The following STAP1 variants were observed in gnomAD, a reference collection of about 807,000 sequenced individuals.
The protein encoded by STAP1 is signal transducing adaptor family member 1, also known as signal-transducing adaptor protein 1.
In STAP1, 30 loss-of-function variants were observed where a neutral mutation model predicts 37.8. That is an observed-to-expected ratio of 0.79 (90% CI 0.59 to 1.08). STAP1 has a LOEUF of 1.08. Ranked by LOEUF, STAP1 falls within the 50% of genes least tolerant of loss-of-function variation. STAP1 has a pLI of 0.00. For missense variants in STAP1, 357 were observed against 349.4 expected (o/e 1.02, Z -0.17); for synonymous variants, 130 against 116.0 (o/e 1.12, Z -0.78).
In STAP1 at chr4:67,603,782, C is replaced by A. The variant is rs572848699; in HGVS notation, c.827-2514C>A. Among the ~76,000 whole-genome samples, 51 of 152,016 alleles carry A rather than the reference C, an allele frequency of 3.4e-4. 1 individual carries two copies. The South Asian group carries it at 0.01, about 31-fold the overall frequency. Reference sequence around the variant, plus strand: ...CTTTCCAAGTTTATGCTCCCCTCTTCTCTACTCAAGCAGAAAGGAGGAGTC... The same window carrying A: ...CTTTCCAAGTTTATGCTCCCCTCTTATCTACTCAAGCAGAAAGGAGGAGTC... On this transcript the variant is annotated intron_variant, in intron 8 of 8. Coordinates refer to ENST00000265404, the MANE Select transcript of STAP1 (RefSeq NM_012108.4).
At chr4:67,579,160 A>G (rs958165082) in intron 4 of STAP1, among the ~76,000 whole-genome samples, 14 of 152,146 alleles carry the variant, frequency 9.2e-5, no homozygotes, top group African/African-American at 3.4e-4. Context: ...AGCCCATGTG[A>G]ATTTTTAAGA....
intron 4 of STAP1, among the ~76,000 whole-genome samples, chr4:67,578,792 A>G (rs1448076764): frequency 1.3e-5 from 2 of 151,888 alleles, no homozygotes; most frequent in African/African-American, 4.8e-5. Flanking sequence ...AAATACACAC[A>G]TAAATAAGTA....
At chr4:67,586,964 G>A (rs1183878371) in intron 6 of STAP1, among the ~76,000 whole-genome samples, 1 of 152,166 alleles carries the variant, frequency 6.6e-6, no homozygotes, top group Non-Finnish European at 1.5e-5. Flanking sequence ...AAGTGGATAC[G>A]AAAAATTCAA....
chr4:67,599,788 T>C (rs1420573057), intron 8 of STAP1, among the ~76,000 whole-genome samples: 1 of 151,870 alleles, frequency 6.6e-6, no homozygotes, highest in African/African-American at 2.4e-5. Context: ...ATTACAGGTG[T>C]GTGCCACCAC....
chr4:67,578,559 C>A (rs1377973068), intron 4 of STAP1, among the ~76,000 whole-genome samples: 1 of 152,136 alleles, frequency 6.6e-6, no homozygotes, highest in Non-Finnish European at 1.5e-5. Context: ...GAATTGCACT[C>A]TTTCCCTCTG....
chr4:67,581,415 G>C lies in STAP1; in HGVS notation c.474G>C (p.Val158=), dbSNP rs919783365. The part of the protein sequence containing the change: ...RRIETEQSTS[V]EKEKEPTEDY... The stretch of plus-strand genomic sequence containing the variant: ...TTGAGACAGAGCAGAGTACGTCCGT[G>C]GAAAAAGAGAAGGAACCAACTGAAG... The change falls in exon 5 of 9, where the codon GTG becomes GTC. Residue 158 remains valine (V), a synonymous_variant. Coordinates refer to ENST00000265404, the MANE Select transcript of STAP1 (RefSeq NM_012108.4). The C allele has an allele frequency of 1.2e-6, 2 of 1,613,554 alleles. No homozygotes were observed. Among genetic ancestry groups the C allele is most frequent in the Non-Finnish European group, 1.7e-6 (2 of 1,179,740 alleles).
intron 6 of STAP1, among the ~76,000 whole-genome samples, chr4:67,584,993 G>A (rs962671899): frequency 6.6e-6 from 1 of 152,108 alleles, no homozygotes; most frequent in Non-Finnish European, 1.5e-5. Context: ...AAATGCAAAC[G>A]TTATTTTTCT....
chr4:67,563,945 A>G (rs1019172687), intron 1 of STAP1, among the ~76,000 whole-genome samples: 3 of 152,188 alleles, frequency 2.0e-5, no homozygotes, highest in African/African-American at 4.8e-5. Flanking sequence ...TTGTTAAAAA[A>G]AAAAAAAAAG....
intron 2 of STAP1, among the ~76,000 whole-genome samples, chr4:67,574,976 T>C (rs1400583036): frequency 6.6e-6 from 1 of 152,220 alleles, no homozygotes; most frequent in East Asian, 1.9e-4. Flanking sequence ...CAGTATTATA[T>C]GGTATTTTCA....
intron 1 of STAP1, among the ~76,000 whole-genome samples, chr4:67,565,975 GTCTT>G (rs1411905211): frequency 9.4e-6 from 1 of 105,966 alleles, no homozygotes; most frequent in African/African-American, 3.6e-5. Flanking sequence ...ACGAGACAGA[GTCTT>G]TCTCTGTCGC....
At chr4:67,559,025 G>A (rs951329988) in intron 1 of STAP1, 96 bp downstream of exon 1, 9 of 1,215,454 alleles carry the variant, frequency 7.4e-6, no homozygotes, top group Non-Finnish European at 9.8e-6. Flanking sequence ...CCTTGTTTCT[G>A]TTGAAATTAA....
intron 6 of STAP1, 53 bp from the exon 7 acceptor site, chr4:67,590,831 G>C: frequency 8.3e-7 from 1 of 1,210,326 alleles, no homozygotes; most frequent in Non-Finnish European, 1.2e-6. Context: ...ACTTTAGTTT[G>C]CATTTACCCA....
chr4:67,569,236 T>C (rs987307140), intron 1 of STAP1, among the ~76,000 whole-genome samples: 2 of 152,176 alleles, frequency 1.3e-5, no homozygotes, highest in Admixed American at 1.3e-4. Context: ...AGTAGAAATA[T>C]GGTATAAAAG....
chr4:67,589,957 A>C (rs1181975584), intron 6 of STAP1, among the ~76,000 whole-genome samples: 2 of 151,914 alleles, frequency 1.3e-5, no homozygotes, highest in African/African-American at 4.8e-5. Flanking sequence ...GCATGCCACC[A>C]TGCCTGGCTA....
intron 8 of STAP1, among the ~76,000 whole-genome samples, chr4:67,603,135 A>G (rs1459751146): frequency 2.0e-5 from 3 of 151,980 alleles, no homozygotes; most frequent in Non-Finnish European, 4.4e-5. Flanking sequence ...CTCAGGCAGG[A>G]GTTTCTCCCC....
intron 4 of STAP1, among the ~76,000 whole-genome samples, chr4:67,578,325 A>C (rs1460946487): frequency 2.0e-5 from 3 of 152,244 alleles, no homozygotes; most frequent in African/African-American, 7.2e-5. Context: ...AGTTAAACAC[A>C]GATTCTATCC....
intron 8 of STAP1, among the ~76,000 whole-genome samples, chr4:67,603,927 A>C (rs563841323): frequency 1.9e-4 from 29 of 152,278 alleles, no homozygotes; most frequent in South Asian, 1.2e-3. Flanking sequence ...CAAGCCCAGC[A>C]CAGCACAGGA....
rs190060254 is a variant in STAP1 at position 67,561,439 on chromosome 4, G to A, written c.120+2510G>A. Among the ~76,000 whole-genome samples, 37 of 152,230 alleles carry A rather than the reference G, an allele frequency of 2.4e-4. No homozygotes were observed. In the East Asian group the frequency reaches 7.0e-3, roughly 29 times the overall value. On this transcript the variant is annotated intron_variant, in intron 1 of 8. Transcript: ENST00000265404. Reference sequence around the variant, plus strand: ...ACTGAAGAGTAACCTGGTCTATAAAGGCATGAAATGCTGAGAGGTGCTTCT... The same window carrying A: ...ACTGAAGAGTAACCTGGTCTATAAAAGCATGAAATGCTGAGAGGTGCTTCT...
chr4:67,560,175 T>A (rs1028451331), intron 1 of STAP1, among the ~76,000 whole-genome samples: 1 of 152,158 alleles, frequency 6.6e-6, no homozygotes, highest in African/African-American at 2.4e-5. Context: ...TTTTAAATGC[T>A]TAAAGAAGAC....
Sources: gnomAD v4.1 joint callset for allele counts (sites outside exome capture counted in the v4.1 genomes callset) on GRCh38, gnomAD v4.1.1 for gene constraint, MANE v1.5 for transcripts, NCBI Gene and HGNC (gene_info 2026-07-23, HGNC 2026-07-21) for gene names.